The following PDGFC variants were observed in gnomAD, a reference collection of about 807,000 sequenced individuals.
The protein encoded by PDGFC is platelet-derived growth factor C.
Under a neutral mutation model 35.5 loss-of-function variants are expected in PDGFC, and 12 were observed. That is an observed-to-expected ratio of 0.34 (90% confidence interval 0.22 to 0.55). PDGFC has a LOEUF of 0.55. Among genes scored for constraint, PDGFC ranks in the 20% least tolerant of loss-of-function variants. PDGFC has a pLI of 0.91. For missense variants in PDGFC, 322 were observed against 412.4 expected, an observed-to-expected ratio of 0.78 and a Z score of 1.90; for synonymous variants, 159 against 148.8, an observed-to-expected ratio of 1.07 and a Z score of -0.50.
chr4:156,868,425 T>C (rs1231301218), intron 1 of PDGFC, among the ~76,000 whole-genome samples: 1 of 152,136 alleles, frequency 6.6e-6, no homozygotes, highest in East Asian at 1.9e-4. Context: ...CCATTAAGGA[T>C]TATCTGTCAC....
chr4:156,860,336 G>T (rs1002914540), intron 1 of PDGFC, among the ~76,000 whole-genome samples: 5 of 152,128 alleles, frequency 3.3e-5, no homozygotes, highest in Admixed American at 1.3e-4. Flanking sequence ...TTATGTGAGT[G>T]TAATCCCCTA....
At chr4:156,840,574 C>CA (rs1158082771) in intron 2 of PDGFC, among the ~76,000 whole-genome samples, 4 of 152,204 alleles carry the variant, frequency 2.6e-5, no homozygotes, top group Non-Finnish European at 1.5e-5. Flanking sequence ...AGAAAGTCCC[C>CA]ACTGGGGCAC....
At chr4:156,864,001 T>TG (rs1488779559) in intron 1 of PDGFC, among the ~76,000 whole-genome samples, 2 of 152,126 alleles carry the variant, frequency 1.3e-5, no homozygotes, top group African/African-American at 4.8e-5. Context: ...TCTTGTTTTT[T>TG]TTGTTGTTGT....
At chr4:156,867,888 G>GT (rs1321213438) in intron 1 of PDGFC, among the ~76,000 whole-genome samples, 6 of 151,934 alleles carry the variant, frequency 3.9e-5, no homozygotes, top group African/African-American at 7.2e-5. Context: ...TTTTTTGTTT[G>GT]TTTTTTTTGA....
chr4:156,895,590 C>A (rs552078144), intron 1 of PDGFC, among the ~76,000 whole-genome samples: 1 of 151,448 alleles, frequency 6.6e-6, no homozygotes, highest in African/African-American at 2.4e-5. Flanking sequence ...TGAGATCGTG[C>A]CACTGCACTC....
chr4:156,966,823 T>C (rs1340343513), intron 1 of PDGFC, among the ~76,000 whole-genome samples: 1 of 152,196 alleles, frequency 6.6e-6, no homozygotes, highest in Non-Finnish European at 1.5e-5. Flanking sequence ...CTGTACTTTC[T>C]AAACACCTTT....
At chr4:156,821,169 A>ATGTGTG (rs3067734) in intron 2 of PDGFC, among the ~76,000 whole-genome samples, 10 of 142,702 alleles carry the variant, frequency 7.0e-5, no homozygotes, top group East Asian at 4.0e-4. Context: ...TGCCTGTTGT[A>ATGTGTG]TGTGTGTGTG....
chr4:156,811,414 T>C (rs1212343793), intron 2 of PDGFC, among the ~76,000 whole-genome samples: 2 of 152,092 alleles, frequency 1.3e-5, no homozygotes, highest in Non-Finnish European at 2.9e-5. Flanking sequence ...AGAGTAACTC[T>C]TTCATCCTGG....
chr4:156,850,207 G>C lies in PDGFC; in HGVS notation c.314+14C>G, dbSNP rs770185646. On this transcript the variant is annotated intron_variant, in intron 2 of 5. Transcript: ENST00000502773. ...AGTTGTTACATTGTTGGGATTTCAA[G>C]TATGATCACTTACTTGCATATGTCA... 1.4e-6 allele frequency: 2 copies of C among 1,422,882 alleles called. No individual in the cohort carries two copies. The highest frequency in any genetic ancestry group is 2.1e-5 in the Admixed American group (1 of 46,640). The allele number at this position is 1,422,882 out of a possible 1,614,324, so 88.1% of individuals were successfully genotyped here.
At chr4:156,926,122 A>C (rs1213689097) in intron 1 of PDGFC, among the ~76,000 whole-genome samples, 1 of 151,832 alleles carries the variant, frequency 6.6e-6, no homozygotes, top group Non-Finnish European at 1.5e-5. Context: ...TAATGTCAAT[A>C]ATCTTTTCTT....
intron 3 of PDGFC, chr4:156,778,943 G>T (rs1313408359): frequency 3.5e-6 from 1 of 282,402 alleles, no homozygotes; most frequent in East Asian, 8.8e-5. Flanking sequence ...TTTATTGTCG[G>T]AGTTAAAAAT....
Position 156,942,941 on chromosome 4 carries a change from C to T in PDGFC, c.118+27845G>A, listed in dbSNP as rs182488296. Among the ~76,000 whole-genome samples, 556 of 152,084 alleles carry T rather than the reference C, an allele frequency of 3.7e-3. 1 individual carries two copies. Among genetic ancestry groups the T allele is most frequent in the Middle Eastern group, 6.8e-3 (2 of 294 alleles). ...CATACAGATCTCAGATTATCCCTCT[C>T]GGCTAGAGTATGTGTGACTTAACGT... On this transcript the variant is annotated intron_variant, in intron 1 of 5. Coordinates refer to ENST00000502773, the MANE Select transcript of PDGFC (RefSeq NM_016205.3).
In PDGFC at chr4:156,866,060, C is replaced by T. The variant is rs186883663; in HGVS notation, c.119-15644G>A. ...CATGTTGGTGTGCTGCACCCATTAA[C>T]GTGTCATTTAGCATTAGGTATATCT... On this transcript the variant is annotated intron_variant, in intron 1 of 5. Transcript: ENST00000502773. Among the ~76,000 whole-genome samples the T allele has an allele frequency of 3.6e-4, 55 of 152,176 alleles. No individual in the cohort carries two copies. The East Asian group carries it at 7.5e-3, about 21-fold the overall frequency.
At chr4:156,769,415 G>A (rs534769978) in intron 4 of PDGFC, among the ~76,000 whole-genome samples, 3 of 151,756 alleles carry the variant, frequency 2.0e-5, no homozygotes, top group Admixed American at 6.6e-5. Flanking sequence ...TTTAAGAAAC[G>A]TATTATAAAA....
At chr4:156,920,644 A>AACACACACACACAC (rs10611712) in intron 1 of PDGFC, among the ~76,000 whole-genome samples, 1 of 132,002 alleles carries the variant, frequency 7.6e-6, no homozygotes. Flanking sequence ...AGGAAAAGAA[A>AACACACACACACAC]ACACACACAC....
At position 156,903,104 on chromosome 4, in the gene PDGFC, A is replaced by AGAGTGTGTGT. The variant is rs368483475; in HGVS notation, c.119-52689_119-52688insACACACACTC. On this transcript the variant is annotated intron_variant, in intron 1 of 5. Coordinates refer to ENST00000502773, the MANE Select transcript of PDGFC (RefSeq NM_016205.3). ...AGGACAAAGAGAGAGAGAGAGAGAG[A>AGAGTGTGTGT]GTGTGTGTGTGTGTGTGTGTGTGTG... Among the ~76,000 whole-genome samples the AGAGTGTGTGT allele has an allele frequency of 3.6e-3, 476 of 130,748 alleles. 2 individuals carry two copies. Among genetic ancestry groups the AGAGTGTGTGT allele is most frequent in the African/African-American group, 0.013 (449 of 35,744 alleles). 85.8% of individuals were successfully genotyped at this position (130,748 alleles called of 152,430 possible).
At chr4:156,783,792 C>T (rs1410757675) in intron 3 of PDGFC, among the ~76,000 whole-genome samples, 1 of 152,040 alleles carries the variant, frequency 6.6e-6, no homozygotes, top group Admixed American at 6.6e-5. Context: ...TAATGAAGTG[C>T]TAAAAAGAGT....
intron 1 of PDGFC, among the ~76,000 whole-genome samples, chr4:156,908,014 A>G (rs1369819474): frequency 6.6e-6 from 1 of 152,126 alleles, no homozygotes; most frequent in African/African-American, 2.4e-5. Context: ...TAAAAATACA[A>G]AAATTAGCTG....
intron 1 of PDGFC, among the ~76,000 whole-genome samples, chr4:156,897,566 A>AT (rs1730665154): frequency 6.6e-6 from 1 of 152,076 alleles, no homozygotes; most frequent in Admixed American, 6.6e-5. Context: ...AATTATATAT[A>AT]TTTTTTTCTA....
Sources: gnomAD v4.1 joint callset for allele counts (sites outside exome capture counted in the v4.1 genomes callset) on GRCh38, gnomAD v4.1.1 for gene constraint, MANE v1.5 for transcripts, NCBI Gene and HGNC (gene_info 2026-07-23, HGNC 2026-07-21) for gene names.